The following CACNB4 variants were observed in gnomAD, a reference collection of about 807,000 sequenced individuals.
The protein encoded by CACNB4 is calcium voltage-gated channel auxiliary subunit beta 4, also known as voltage-dependent L-type calcium channel subunit beta-4.
Under a neutral mutation model 71.2 loss-of-function variants are expected in CACNB4, and 32 were observed. The ratio of observed to expected loss-of-function variants is 0.45; its 90% confidence interval spans 0.34 to 0.60. The LOEUF is 0.60. Ranked by LOEUF, CACNB4 falls within the 20% of genes least tolerant of loss-of-function variation. The pLI is 0.01. For synonymous variants in CACNB4, 231 were observed against 236.9 expected, an observed-to-expected ratio of 0.97 and a Z score of 0.23; for missense variants, 464 against 647.9, an observed-to-expected ratio of 0.72 and a Z score of 3.08.
chr2:151,886,014 T>G (rs753098276), intron 2 of CACNB4, among the ~76,000 whole-genome samples: 1 of 152,194 alleles, frequency 6.6e-6, no homozygotes, highest in African/African-American at 2.4e-5. Context: ...GGCCTTGTCA[T>G]GTTGCCCAGG....
chr2:151,973,549 G>T, intron 2 of CACNB4: 1 of 875,576 alleles, frequency 1.1e-6, no homozygotes, highest in Non-Finnish European at 1.8e-6. Context: ...CCAGAATGAT[G>T]TTAGCTTTCT....
chr2:152,098,859 C>A lies in CACNB4; in HGVS notation c.63+90G>T, dbSNP rs1304978844. The A allele has an allele frequency of 8.8e-7, 1 of 1,140,964 alleles. No individual in the cohort carries two copies. Among genetic ancestry groups the A allele is most frequent in the Non-Finnish European group, 1.2e-6 (1 of 821,394 alleles). 70.7% of individuals were successfully genotyped at this position (1,140,964 alleles called of 1,614,324 possible). A position where few individuals can be genotyped will look rare whatever the true frequency, so the allele number is the denominator to read the frequency against. ...ACTCCCGGGACTGGGGCCCCGCACG[C>A]CCGGCACGAAGGCGGGGCGCGCTAG... On this transcript the variant is annotated intron_variant, in intron 1 of 13. Transcript: ENST00000539935. This position sits in a 1 kb window ranked among gnomAD's most constrained non-coding sequence, Gnocchi z 5.3.
At chr2:151,931,930 A>C (rs1174128833) in intron 2 of CACNB4, among the ~76,000 whole-genome samples, 1 of 152,202 alleles carries the variant, frequency 6.6e-6, no homozygotes, top group Non-Finnish European at 1.5e-5. Context: ...ATTGATGTGG[A>C]AGCAAGCTAA....
intron 2 of CACNB4, among the ~76,000 whole-genome samples, chr2:151,884,951 A>G (rs79978988): frequency 0.046 from 7,034 of 152,172 alleles, 549 homozygotes; most frequent in African/African-American, 0.16. Flanking sequence ...TGAGTGGGGG[A>G]AAAAGCTTTA....
chr2:152,090,505 T>C (rs1018431558), intron 2 of CACNB4, among the ~76,000 whole-genome samples: 13 of 152,056 alleles, frequency 8.5e-5, no homozygotes, highest in African/African-American at 2.9e-4. Flanking sequence ...TAGCCAGGCG[T>C]GGTGACACAT....
At chr2:152,044,658 C>G (rs1685054861) in intron 2 of CACNB4, among the ~76,000 whole-genome samples, 1 of 152,280 alleles carries the variant, frequency 6.6e-6, no homozygotes, top group African/African-American at 2.4e-5. Context: ...CAAATAAAAA[C>G]TACTTAAAAT....
intron 2 of CACNB4, among the ~76,000 whole-genome samples, chr2:151,939,694 T>C (rs2099863780): frequency 6.6e-6 from 1 of 152,130 alleles, no homozygotes; most frequent in African/African-American, 2.4e-5. Context: ...GCTGAGTGCC[T>C]TCCAAACTGC....
chr2:152,044,965 TG>T (rs1380853221), intron 2 of CACNB4, among the ~76,000 whole-genome samples: 1 of 149,626 alleles, frequency 6.7e-6, no homozygotes, highest in African/African-American at 2.5e-5. Context: ...GAAGAGACGG[TG>T]GGGGGTTGGT....
chr2:152,043,595 C>T (rs1364138400), intron 2 of CACNB4, among the ~76,000 whole-genome samples: 1 of 152,196 alleles, frequency 6.6e-6, no homozygotes, highest in Non-Finnish European at 1.5e-5. Flanking sequence ...GCTGGGATTA[C>T]ACGTGTGAGC....
chr2:152,039,967 A>G (rs1483774570), intron 2 of CACNB4, among the ~76,000 whole-genome samples: 2 of 152,242 alleles, frequency 1.3e-5, no homozygotes, highest in African/African-American at 4.8e-5. Context: ...AAAGTCACTT[A>G]ATGGTCTTAA....
intron 2 of CACNB4, among the ~76,000 whole-genome samples, chr2:152,092,872 C>T (rs926105446): frequency 6.6e-6 from 1 of 151,374 alleles, no homozygotes; most frequent in Non-Finnish European, 1.5e-5. Flanking sequence ...ACATATATAC[C>T]TAAGATGAAG....
chr2:152,010,694 T>A (rs1318645550), intron 2 of CACNB4, among the ~76,000 whole-genome samples: 1 of 152,152 alleles, frequency 6.6e-6, no homozygotes, highest in Non-Finnish European at 1.5e-5. Flanking sequence ...CAGAGCTGGA[T>A]CTTGAGCCCA....
intron 3 of CACNB4, chr2:151,883,000 T>C: frequency 2.2e-6 from 1 of 464,916 alleles, no homozygotes; most frequent in Non-Finnish European, 4.0e-6. Flanking sequence ...GGTTTGATAT[T>C]GCTAAGTTGG....
rs577254870 is a variant in CACNB4, at chr2:152,086,476, C to T, written c.147+11854G>A. Among the ~76,000 whole-genome samples, 3 of 152,328 alleles carry T rather than the reference C, an allele frequency of 2.0e-5. No homozygotes were observed. The East Asian group carries it at 5.8e-4, about 29-fold the overall frequency. On this transcript the variant is annotated intron_variant, in intron 2 of 13. Transcript: ENST00000539935. ...AAATATAATTGAGAAGCACCTGCCA[C>T]ATAGAGAGTACAGTTTTATATACCT...
Position 151,833,761 on chromosome 2 carries a change from T to C in CACNB4, c.*5358A>G, listed in dbSNP as rs1177345079. 1 of 152,124 alleles carries C rather than the reference T, an allele frequency of 6.6e-6. No homozygotes were observed. Among genetic ancestry groups the C allele is most frequent in the African/African-American group, 2.4e-5 (1 of 41,462 alleles). 9.4% of individuals were successfully genotyped at this position (152,124 alleles called of 1,614,324 possible). A position where few individuals can be genotyped will look rare whatever the true frequency, so the allele number is the denominator to read the frequency against. ...TGGATTTTGTTATAAGTTTGTGCTA[T>C]AACAAATGTGCTTCTTTCTCCTCAA... On this transcript the variant is annotated 3_prime_UTR_variant, in exon 14 of 14. Coordinates refer to ENST00000539935, the MANE Select transcript of CACNB4 (RefSeq NM_000726.5).
chr2:151,891,960 C>T (rs796132302), intron 2 of CACNB4, among the ~76,000 whole-genome samples: 2 of 152,298 alleles, frequency 1.3e-5, no homozygotes, highest in African/African-American at 4.8e-5. Context: ...GTGGCTCCCG[C>T]TGGCTGATCC....
At chr2:152,006,401 C>CTTTTTTTTTTT (rs60046879) in intron 2 of CACNB4, among the ~76,000 whole-genome samples, 3 of 138,554 alleles carry the variant, frequency 2.2e-5, no homozygotes, top group Non-Finnish European at 4.6e-5. Context: ...TCTTTTCTTT[C>CTTTTTTTTTTT]TTTTTTTTTT....
chr2:152,074,396 T>A (rs995179053), intron 2 of CACNB4, among the ~76,000 whole-genome samples: 2 of 143,582 alleles, frequency 1.4e-5, no homozygotes, highest in Admixed American at 1.4e-4. Flanking sequence ...ATCACCAACA[T>A]CACCATCATC....
rs116091634 is a variant in CACNB4, at chr2:152,000,305, C to T, written c.147+98025G>A. On this transcript the variant is annotated intron_variant, in intron 2 of 13. Coordinates refer to ENST00000539935, the MANE Select transcript of CACNB4 (RefSeq NM_000726.5). ...AATGTGGGGGCTATCTGGGACCAGACTACCTGGGTCCCAATCTCTGCACCA... is the reference window on the plus strand; with the variant it reads ...AATGTGGGGGCTATCTGGGACCAGATTACCTGGGTCCCAATCTCTGCACCA... Among the ~76,000 whole-genome samples, 455 of 152,306 alleles carry T rather than the reference C, an allele frequency of 3.0e-3. 4 individuals are homozygous for T. The highest frequency in any genetic ancestry group is 0.01 in the African/African-American group (436 of 41,572).
Sources: gnomAD v4.1 joint callset for allele counts (sites outside exome capture counted in the v4.1 genomes callset) on GRCh38, gnomAD v4.1.1 for gene constraint, Gnocchi (gnomAD v3.1) non-coding constraint, MANE v1.5 for transcripts, NCBI Gene and HGNC (gene_info 2026-07-23, HGNC 2026-07-21) for gene names.